PEAK1: variants seen among roughly 807,000 people sequenced by gnomAD.
PEAK1 encodes the protein inactive tyrosine-protein kinase PEAK1.
PEAK1 carries 54 observed loss-of-function variants against 124.7 expected under a neutral mutation model. That is an observed-to-expected ratio of 0.43 (90% CI 0.35 to 0.54). The LOEUF is 0.54. Among genes scored for constraint, PEAK1 ranks in the 20% least tolerant of loss-of-function variants. PEAK1 has a pLI of 0.01. For missense variants in PEAK1, 2,046 were observed against 2,134.5 expected (o/e 0.96, Z 0.82); for synonymous variants, 719 against 760.0 (o/e 0.95, Z 0.89).
intron 6 of PEAK1, among the ~76,000 whole-genome samples, chr15:77,250,200 TAC>T (rs1371133356): frequency 1.1e-4 from 13 of 113,650 alleles, no homozygotes; most frequent in Non-Finnish European, 2.3e-4. Flanking sequence ...TACATATATA[TAC>T]ATATATATGT....
intron 6 of PEAK1, chr15:77,204,564 C>CA (rs2058537989): frequency 6.5e-6 from 1 of 152,688 alleles, no homozygotes; most frequent in South Asian, 2.1e-4. Flanking sequence ...CTCCCCACTG[C>CA]CAAGATGCCC....
chr15:77,122,854 A>G (rs2052038070), intron 9 of PEAK1, among the ~76,000 whole-genome samples: 1 of 152,178 alleles, frequency 6.6e-6, no homozygotes, highest in Non-Finnish European at 1.5e-5. Context: ...CCAGTAATTA[A>G]TTGTCTGTAT....
chr15:77,389,973 C>T (rs2070312729), intron 1 of PEAK1, among the ~76,000 whole-genome samples: 1 of 152,188 alleles, frequency 6.6e-6, no homozygotes, highest in Admixed American at 6.5e-5. Context: ...ATTAACTTTA[C>T]AACTAATATT....
At chr15:77,189,110 A>G (rs1346008230) in intron 6 of PEAK1, among the ~76,000 whole-genome samples, 3 of 152,146 alleles carry the variant, frequency 2.0e-5, no homozygotes, top group Admixed American at 6.5e-5. Flanking sequence ...CTGAGGCAGG[A>G]GAATCACTTG....
Position 77,114,512 on chromosome 15 carries a change from G to C in PEAK1, c.4885C>G (p.Pro1629Ala), listed in dbSNP as rs759284644. The C allele has an allele frequency of 2.2e-5, 35 of 1,613,968 alleles. 1 individual carries two copies. The South Asian group carries it at 2.7e-4, about 13-fold the overall frequency. Residue 1629 changes from proline (P) to alanine (A), a missense_variant, in exon 10 of 10, where the codon CCA becomes GCA. Coordinates refer to ENST00000682557, the MANE Select transcript of PEAK1 (RefSeq NM_001385026.1). ...EYTRADLPRI[P>A]FRSPYSRGLQ... ...CCCCGGGAGTAGGGGGAGCGGAATG[G>C]GATGCGAGGCAGGTCTGCTCGTGTG... is the stretch of plus-strand genomic sequence containing the variant.
At chr15:77,402,268 T>C in intron 1 of PEAK1, 3 of 983,490 alleles carry the variant, frequency 3.1e-6, no homozygotes, top group Non-Finnish European at 3.6e-6. Flanking sequence ...AAGCAGAAGG[T>C]TTTCAGTAAT....
intron 1 of PEAK1, among the ~76,000 whole-genome samples, chr15:77,413,138 T>C (rs2072550228): frequency 6.6e-6 from 1 of 152,220 alleles, no homozygotes; most frequent in Non-Finnish European, 1.5e-5. Context: ...CAAGATCCAC[T>C]AATGAATGCT....
chr15:77,216,395 G>A (rs1048461043), intron 6 of PEAK1, among the ~76,000 whole-genome samples: 1 of 152,194 alleles, frequency 6.6e-6, no homozygotes, highest in Non-Finnish European at 1.5e-5. Context: ...GTGTTAAGAA[G>A]AATAAGACAT....
At chr15:77,173,233 T>C (rs929824702) in intron 7 of PEAK1, among the ~76,000 whole-genome samples, 4 of 152,202 alleles carry the variant, frequency 2.6e-5, no homozygotes, top group East Asian at 1.9e-4. Context: ...CTTTGTATTA[T>C]AAAAATAGTA....
At chr15:77,355,224 G>C (rs576206600) in intron 2 of PEAK1, among the ~76,000 whole-genome samples, 66 of 152,272 alleles carry the variant, frequency 4.3e-4, no homozygotes, top group African/African-American at 1.5e-3. Context: ...AGGAGGTGGA[G>C]AGATACGATT....
intron 5 of PEAK1, among the ~76,000 whole-genome samples, chr15:77,273,350 C>T (rs946998140): frequency 2.0e-5 from 3 of 152,026 alleles, no homozygotes; most frequent in Non-Finnish European, 2.9e-5. Context: ...ATGACATAAT[C>T]ATATACCTAG....
At chr15:77,276,895 T>A (rs1185012307) in intron 5 of PEAK1, among the ~76,000 whole-genome samples, 1 of 152,080 alleles carries the variant, frequency 6.6e-6, no homozygotes, top group East Asian at 1.9e-4. Context: ...TGGGGGGGAC[T>A]AAAGGGAGCA....
At chr15:77,387,167 A>G (rs931679972) in intron 1 of PEAK1, among the ~76,000 whole-genome samples, 2 of 152,192 alleles carry the variant, frequency 1.3e-5, no homozygotes, top group African/African-American at 4.8e-5. Context: ...CCTGATTACA[A>G]TCTTGATAAT....
chr15:77,381,361 A>G lies in PEAK1; in HGVS notation c.-665-16136T>C, dbSNP rs550352993. The G allele has an allele frequency of 1.5e-4, 113 of 756,404 alleles. No individual in the cohort carries two copies. In the African/African-American group the frequency reaches 2.0e-3, roughly 13 times the overall value. 46.9% of individuals were successfully genotyped at this position (756,404 alleles called of 1,614,324 possible). On this transcript the variant is annotated intron_variant, in intron 1 of 9. Transcript: ENST00000682557. ...GGCCAGGAGTTAATGGCTGTAGTGC[A>G]CTATGATGGTGCCTGTGAATAGCCA... is the stretch of plus-strand genomic sequence containing the variant.
intron 1 of PEAK1, among the ~76,000 whole-genome samples, chr15:77,383,000 T>C (rs1186858625): frequency 6.6e-6 from 1 of 150,816 alleles, no homozygotes; most frequent in African/African-American, 2.4e-5. Context: ...TGTTGAAATA[T>C]GAAATCAGTT....
chr15:77,233,862 T>G (rs969246637), intron 6 of PEAK1, among the ~76,000 whole-genome samples: 9 of 152,172 alleles, frequency 5.9e-5, no homozygotes, highest in African/African-American at 1.9e-4. Flanking sequence ...TTTATTTTAT[T>G]AAACCTCTCT....
At position 77,111,611 on chromosome 15, in the gene PEAK1, T is replaced by A. The variant is rs1268184866; in HGVS notation, c.*2545A>T. 1.3e-5 allele frequency: 2 copies of A among 152,162 alleles called. No individual in the cohort carries two copies. Among genetic ancestry groups the A allele is most frequent in the Non-Finnish European group, 2.9e-5 (2 of 68,036 alleles). 9.4% of individuals were successfully genotyped at this position (152,162 alleles called of 1,614,324 possible). A position where few individuals can be genotyped will look rare whatever the true frequency, so the allele number is the denominator to read the frequency against. ...TAAAAACAGTACTAAAAACATCTGA[T>A]ATGAAGAGGTGCTTGGTTTACCAGT... On this transcript the variant is annotated 3_prime_UTR_variant, in exon 10 of 10. Coordinates refer to ENST00000682557, the MANE Select transcript of PEAK1 (RefSeq NM_001385026.1).
At chr15:77,221,727 T>C (rs1286815217) in intron 6 of PEAK1, among the ~76,000 whole-genome samples, 1 of 152,134 alleles carries the variant, frequency 6.6e-6, no homozygotes, top group African/African-American at 2.4e-5. Flanking sequence ...TTATAGCCTA[T>C]ATGCTTGTAT....
At chr15:77,403,982 A>G in intron 1 of PEAK1, 8 of 966,270 alleles carry the variant, frequency 8.3e-6, no homozygotes, top group Non-Finnish European at 9.8e-6. Context: ...AGGGTTTGGT[A>G]CAGATTATTT....
Sources: gnomAD v4.1 joint callset for allele counts (sites outside exome capture counted in the v4.1 genomes callset) on GRCh38, gnomAD v4.1.1 for gene constraint, MANE v1.5 for transcripts, NCBI Gene and HGNC (gene_info 2026-07-23, HGNC 2026-07-21) for gene names.